ATF7IP: variants seen among roughly 807,000 people sequenced by gnomAD.
ATF7IP encodes the protein activating transcription factor 7-interacting protein 1.
In ATF7IP, 23 loss-of-function variants were observed where a neutral mutation model predicts 106.4. The observed-to-expected ratio is 0.22, with a 90% CI of 0.16 to 0.31. The LOEUF (loss-of-function observed/expected upper bound fraction) is 0.31. ATF7IP is among the 10% of genes least tolerant of loss of function. ATF7IP has a pLI of 1.00. For synonymous variants in ATF7IP, 542 were observed against 539.0 expected (o/e 1.01, Z -0.08); for missense variants, 1,334 against 1,524.3 (o/e 0.88, Z 2.08).
intron 13 of ATF7IP, among the ~76,000 whole-genome samples, chr12:14,489,749 A>T (rs1317241005): frequency 6.6e-6 from 1 of 152,196 alleles, no homozygotes; most frequent in Non-Finnish European, 1.5e-5. Context: ...TGGTAAGACC[A>T]GTGAATTCCA....
intron 1 of ATF7IP, among the ~76,000 whole-genome samples, chr12:14,408,880 C>A (rs936191866): frequency 1.3e-5 from 2 of 152,010 alleles, no homozygotes; most frequent in Admixed American, 1.3e-4. Flanking sequence ...ATGTCAGTTA[C>A]GTGTACATAG....
At chr12:14,441,208 G>C (rs1382903214) in intron 5 of ATF7IP, among the ~76,000 whole-genome samples, 1 of 152,074 alleles carries the variant, frequency 6.6e-6, no homozygotes, top group Non-Finnish European at 1.5e-5. Flanking sequence ...ATGTATGAGG[G>C]TTCCATTTCT....
At chr12:14,490,509 T>A (rs1254749640) in intron 13 of ATF7IP, among the ~76,000 whole-genome samples, 1 of 152,208 alleles carries the variant, frequency 6.6e-6, no homozygotes, top group Non-Finnish European at 1.5e-5. Flanking sequence ...GATGCACTGC[T>A]CCAAGTTCTG....
intron 13 of ATF7IP, among the ~76,000 whole-genome samples, chr12:14,486,250 G>A (rs1002383829): frequency 2.0e-5 from 3 of 152,154 alleles, no homozygotes; most frequent in Admixed American, 6.5e-5. Flanking sequence ...TTAACTGGAG[G>A]ACCACAATGA....
chr12:14,396,664 A>G (rs989942180), intron 1 of ATF7IP, among the ~76,000 whole-genome samples: 1 of 152,112 alleles, frequency 6.6e-6, no homozygotes, highest in Non-Finnish European at 1.5e-5. Flanking sequence ...CTCTTGTGCT[A>G]TTATATTGGT....
intron 8 of ATF7IP, among the ~76,000 whole-genome samples, chr12:14,458,752 G>C (rs999013471): frequency 2.6e-5 from 4 of 152,114 alleles, no homozygotes; most frequent in African/African-American, 9.7e-5. Flanking sequence ...GAGCCCGGGA[G>C]GTGTAGGCTG....
chr12:14,429,533 G>A (rs1398891948), intron 2 of ATF7IP, among the ~76,000 whole-genome samples: 1 of 151,984 alleles, frequency 6.6e-6, no homozygotes, highest in African/African-American at 2.4e-5. Context: ...AAAAATCTGT[G>A]GTTGATATTT....
intron 1 of ATF7IP, among the ~76,000 whole-genome samples, chr12:14,370,498 A>C (rs1380758986): frequency 6.6e-6 from 1 of 152,146 alleles, no homozygotes; most frequent in Non-Finnish European, 1.5e-5. Flanking sequence ...TTGCAGATCA[A>C]CTTTAGGTTC....
intron 13 of ATF7IP, among the ~76,000 whole-genome samples, chr12:14,484,450 A>T (rs1448635043): frequency 2.0e-5 from 3 of 152,202 alleles, no homozygotes; most frequent in Non-Finnish European, 4.4e-5. Context: ...AAATATATAT[A>T]ATCATGCATC....
intron 1 of ATF7IP, among the ~76,000 whole-genome samples, chr12:14,391,980 A>G (rs1488851651): frequency 1.3e-5 from 2 of 151,942 alleles, no homozygotes; most frequent in African/African-American, 4.8e-5. Context: ...CTCGGCCTCC[A>G]AAAGTGCTGG....
chr12:14,479,282 C>T (rs533387470), intron 12 of ATF7IP, among the ~76,000 whole-genome samples: 17 of 152,300 alleles, frequency 1.1e-4, no homozygotes, highest in Admixed American at 2.0e-4. Context: ...TGTGTCTTAT[C>T]TTGAAATAGC....
chr12:14,422,769 T>C (rs1353574701), intron 1 of ATF7IP, among the ~76,000 whole-genome samples: 8 of 152,208 alleles, frequency 5.3e-5, no homozygotes, highest in Admixed American at 5.2e-4. Context: ...GTTGTAGGGG[T>C]ATGGCACATT....
intron 1 of ATF7IP, among the ~76,000 whole-genome samples, chr12:14,403,623 T>G (rs1361646601): frequency 6.6e-6 from 1 of 152,232 alleles, no homozygotes; most frequent in Non-Finnish European, 1.5e-5. Flanking sequence ...ATTAAAAATT[T>G]AGAAGAGAAA....
At chr12:14,374,347 C>T (rs1386278233) in intron 1 of ATF7IP, among the ~76,000 whole-genome samples, 1 of 145,814 alleles carries the variant, frequency 6.9e-6, no homozygotes, top group Non-Finnish European at 1.5e-5. Context: ...CTCCTGGGCT[C>T]AAGCAATCCT....
At chr12:14,457,141 A>G (rs1206502238) in intron 7 of ATF7IP, 66 bp from the exon 8 acceptor site, 11 of 1,336,164 alleles carry the variant, frequency 8.2e-6, no homozygotes, top group African/African-American at 1.5e-5. Flanking sequence ...TGCTTATTCT[A>G]GATATCAGTT....
intron 5 of ATF7IP, among the ~76,000 whole-genome samples, chr12:14,446,477 A>G (rs184912922): frequency 1.3e-5 from 2 of 152,322 alleles, no homozygotes; most frequent in Non-Finnish European, 1.5e-5. Context: ...ATTGTTAAAG[A>G]CTAACAGAAT....
chr12:14,471,850 A>AT (rs1213200533), intron 10 of ATF7IP, among the ~76,000 whole-genome samples: 1 of 152,120 alleles, frequency 6.6e-6, no homozygotes, highest in Non-Finnish European at 1.5e-5. Flanking sequence ...GGGTGGAGAC[A>AT]TAGCCAAACC....
chr12:14,372,876 C>T (rs1465811439), intron 1 of ATF7IP, among the ~76,000 whole-genome samples: 3 of 152,096 alleles, frequency 2.0e-5, no homozygotes, highest in African/African-American at 7.2e-5. Context: ...ATTTAACATT[C>T]TAATAAGAAA....
intron 6 of ATF7IP, among the ~76,000 whole-genome samples, chr12:14,447,425 G>A (rs1943025275): frequency 6.6e-6 from 1 of 151,752 alleles, no homozygotes; most frequent in South Asian, 2.1e-4. Context: ...GGGATTACAG[G>A]TGCCCACCAC....
Sources: gnomAD v4.1 joint callset for allele counts (sites outside exome capture counted in the v4.1 genomes callset) on GRCh38, gnomAD v4.1.1 for gene constraint, MANE v1.5 for transcripts, NCBI Gene and HGNC (gene_info 2026-07-23, HGNC 2026-07-21) for gene names.